MAP3K9: variants seen among roughly 807,000 people sequenced by gnomAD.
The protein encoded by MAP3K9 is mixed lineage kinase 1 (tyr and ser/thr specificity).
In MAP3K9, 46 loss-of-function variants were observed where a neutral mutation model predicts 95.8. The observed-to-expected ratio is 0.48, with a 90% CI of 0.38 to 0.61. MAP3K9 has a LOEUF of 0.61. Among genes scored for constraint, MAP3K9 ranks in the 20% least tolerant of loss-of-function variants. The probability of loss-of-function intolerance (pLI) is 0.00; values close to 1 mark genes in which losing one functional copy is unlikely to be tolerated. For missense variants in MAP3K9, 1,296 were observed against 1,474.3 expected (o/e 0.88, Z 1.98); for synonymous variants, 533 against 593.8 (o/e 0.90, Z 1.49).
intron 2 of MAP3K9, among the ~76,000 whole-genome samples, chr14:70,781,907 T>A (rs1305327701): frequency 6.6e-6 from 1 of 152,162 alleles, no homozygotes; most frequent in South Asian, 2.1e-4. Flanking sequence ...GCTTTCCTAG[T>A]CAACATTCCA....
intron 2 of MAP3K9, among the ~76,000 whole-genome samples, chr14:70,762,498 A>T (rs1323933242): frequency 6.6e-6 from 1 of 152,212 alleles, no homozygotes; most frequent in Non-Finnish European, 1.5e-5. Flanking sequence ...ATGACTAATG[A>T]TATTGAACAT....
At chr14:70,778,528 G>A (rs372202892) in intron 2 of MAP3K9, among the ~76,000 whole-genome samples, 17 of 152,122 alleles carry the variant, frequency 1.1e-4, no homozygotes, top group Middle Eastern at 3.4e-3. Flanking sequence ...CACCGTCCTC[G>A]GCCTCCCAAA....
intron 2 of MAP3K9, among the ~76,000 whole-genome samples, chr14:70,780,238 C>T (rs564388095): frequency 6.6e-6 from 1 of 152,322 alleles, no homozygotes; most frequent in African/African-American, 2.4e-5. Flanking sequence ...GACTTAACAG[C>T]ATGAGGTGTG....
intron 2 of MAP3K9, among the ~76,000 whole-genome samples, chr14:70,793,380 C>T (rs762751870): frequency 6.6e-6 from 1 of 152,124 alleles, no homozygotes; most frequent in Non-Finnish European, 1.5e-5. Context: ...GGGACTCTAA[C>T]GAGGATGAAA....
intron 1 of MAP3K9, among the ~76,000 whole-genome samples, chr14:70,805,163 C>A (rs2054976689): frequency 6.6e-6 from 1 of 152,164 alleles, no homozygotes; most frequent in Admixed American, 6.5e-5. Flanking sequence ...AGATGTTATT[C>A]CCTCTCAATC....
intron 9 of MAP3K9, 50 bp from the exon 10 acceptor site, chr14:70,734,548 T>C (rs747715942): frequency 1.9e-6 from 2 of 1,074,424 alleles, no homozygotes; most frequent in Non-Finnish European, 2.8e-6. Context: ...CCTTTCTTAC[T>C]TGACCCTCAG....
chr14:70,757,939 T>C (rs2054318554), intron 3 of MAP3K9, among the ~76,000 whole-genome samples: 1 of 152,118 alleles, frequency 6.6e-6, no homozygotes, highest in Admixed American at 6.5e-5. Context: ...GAGCTAAGAT[T>C]ATAAAACTCT....
At position 70,726,190 on chromosome 14, in the gene MAP3K9, C is replaced by T. The variant is rs1319262020; in HGVS notation, c.*4190G>A. ...GATTGCTCGGGAGGTGTCTCCTTCA[C>T]ACAAGGGAAGGAGGAGGGAGGGAGG... is the stretch of plus-strand genomic sequence containing the variant. On this transcript the variant is annotated 3_prime_UTR_variant, in exon 12 of 12. Transcript: ENST00000554752. 1 of 152,322 alleles carries T rather than the reference C, an allele frequency of 6.6e-6. No homozygotes were observed. The highest frequency in any genetic ancestry group is 2.4e-5 in the African/African-American group (1 of 41,452). 9.4% of individuals were successfully genotyped at this position (152,322 alleles called of 1,614,324 possible).
intron 2 of MAP3K9, among the ~76,000 whole-genome samples, chr14:70,764,437 A>G (rs575519706): frequency 2.9e-5 from 4 of 137,978 alleles, no homozygotes; most frequent in African/African-American, 1.1e-4. Flanking sequence ...AACAACAACA[A>G]AAAATGTATG....
chr14:70,797,973 G>C (rs1465027812), intron 2 of MAP3K9, among the ~76,000 whole-genome samples: 1 of 152,172 alleles, frequency 6.6e-6, no homozygotes, highest in African/African-American at 2.4e-5. Context: ...ACTGTATTGA[G>C]AATGTCCTTT....
chr14:70,804,957 T>C (rs1263820668), intron 1 of MAP3K9, among the ~76,000 whole-genome samples: 1 of 152,148 alleles, frequency 6.6e-6, no homozygotes, highest in Non-Finnish European at 1.5e-5. Context: ...TCAGTCCCTG[T>C]GGATAGGAAC....
At chr14:70,799,043 G>A (rs1413607360) in intron 2 of MAP3K9, among the ~76,000 whole-genome samples, 8 of 152,104 alleles carry the variant, frequency 5.3e-5, no homozygotes, top group East Asian at 1.9e-4. Flanking sequence ...AACCAGATAC[G>A]CTTTAAAAAT....
At chr14:70,808,607 A>G (rs1288956343) in intron 1 of MAP3K9, among the ~76,000 whole-genome samples, 159 bp downstream of exon 1, 2 of 151,184 alleles carry the variant, frequency 1.3e-5, no homozygotes, top group Admixed American at 1.3e-4. Flanking sequence ...CCAGCAAGCA[A>G]AGCCCGGGCA....
intron 6 of MAP3K9, among the ~76,000 whole-genome samples, chr14:70,741,976 T>C (rs528811358): frequency 2.0e-5 from 3 of 152,236 alleles, no homozygotes; most frequent in Non-Finnish European, 2.9e-5. Flanking sequence ...GACAAGTTAT[T>C]TTGCAGAGCC....
At chr14:70,741,668 C>A (rs1377804850) in intron 6 of MAP3K9, among the ~76,000 whole-genome samples, 2 of 152,216 alleles carry the variant, frequency 1.3e-5, no homozygotes, top group African/African-American at 4.8e-5. Flanking sequence ...GTCTCAACTG[C>A]ACTCAGGGGA....
intron 3 of MAP3K9, among the ~76,000 whole-genome samples, chr14:70,760,422 G>C (rs537759459): frequency 2.5e-4 from 38 of 152,206 alleles, no homozygotes; most frequent in African/African-American, 8.4e-4. Flanking sequence ...GCAGTTCTGG[G>C]CACATATTTG....
rs774524975 is a variant in MAP3K9 at position 70,749,023 on chromosome 14, T to A, written c.1151-19A>T. ...CAGCAGTCTGAATAGAACATGTGAA[T>A]ACTCAGAAAGCATGAATGGACAGAA... On this transcript the variant is annotated intron_variant, in intron 4 of 11. Transcript: ENST00000554752. 4 of 1,603,338 alleles carry A rather than the reference T, an allele frequency of 2.5e-6. No homozygotes were observed. The East Asian group carries it at 9.0e-5, about 36-fold the overall frequency.
rs1218314051 is a variant in MAP3K9, at chr14:70,727,966, C to G, written c.*2414G>C. The G allele has an allele frequency of 6.6e-6, 1 of 152,214 alleles. No homozygotes were observed. Among genetic ancestry groups the G allele is most frequent in the Non-Finnish European group, 1.5e-5 (1 of 68,070 alleles). The allele number at this position is 152,214 out of a possible 1,614,324, so 9.4% of individuals were successfully genotyped here. On this transcript the variant is annotated 3_prime_UTR_variant, in exon 12 of 12. Coordinates refer to ENST00000554752, the MANE Select transcript of MAP3K9 (RefSeq NM_001284230.2). Reference sequence around the variant, plus strand: ...TTAAAAATGAGCAAAGGAAAAATCTCTGCTTCATACCACAGAGCACTGTGT... The same window carrying G: ...TTAAAAATGAGCAAAGGAAAAATCTGTGCTTCATACCACAGAGCACTGTGT...
intron 3 of MAP3K9, among the ~76,000 whole-genome samples, chr14:70,756,596 T>C (rs796898084): frequency 6.6e-6 from 1 of 152,234 alleles, no homozygotes; most frequent in South Asian, 2.1e-4. Flanking sequence ...AACTTCTGGA[T>C]AGTTTCCAAA....
Sources: allele counts gnomAD v4.1 joint callset (sites outside exome capture counted in the v4.1 genomes callset), GRCh38; gene constraint gnomAD v4.1.1; transcripts MANE v1.5; gene names NCBI Gene and HGNC (gene_info 2026-07-23, HGNC 2026-07-21).